ICA1L: variants seen among roughly 807,000 people sequenced by gnomAD.
ICA1L encodes the protein islet cell autoantigen 1-like protein.
Under a neutral mutation model 61.3 loss-of-function variants are expected in ICA1L, and 50 were observed. The observed-to-expected ratio is 0.82, with a 90% CI of 0.65 to 1.03. The LOEUF is 1.03. Among genes scored for constraint, ICA1L ranks in the 50% least tolerant of loss-of-function variants. The probability of loss-of-function intolerance (pLI) is 0.00; values close to 1 mark genes in which losing one functional copy is unlikely to be tolerated. For synonymous variants in ICA1L, 161 were observed against 191.3 expected (o/e 0.84, Z 1.31); for missense variants, 508 against 556.7 (o/e 0.91, Z 0.88).
intron 1 of ICA1L, among the ~76,000 whole-genome samples, chr2:202,843,603 G>A (rs1207105983): frequency 2.0e-5 from 3 of 152,224 alleles, no homozygotes; most frequent in African/African-American, 7.2e-5. Flanking sequence ...TGGAGGTACT[G>A]CAGTTCTGAG....
Position 202,788,870 on chromosome 2 carries a change from T to C in ICA1L, c.1203A>G (p.Gln401=), listed in dbSNP as rs938271195. The C allele has an allele frequency of 2.4e-5, 38 of 1,613,412 alleles. No individual in the cohort carries two copies. Among genetic ancestry groups the C allele is most frequent in the Non-Finnish European group, 3.1e-5 (36 of 1,179,928 alleles). The part of the protein sequence containing the change: ...LAHSSRFLPS[Q]LFDLGFHVAG... Reference sequence around the variant, plus strand: ...CCACATGAAAGCCAAGGTCAAAGAGTTGTGAAGGAAGGAATCGAGAAGAAT... The same window carrying C: ...CCACATGAAAGCCAAGGTCAAAGAGCTGTGAAGGAAGGAATCGAGAAGAAT... The change falls in exon 11 of 13, where the codon CAA becomes CAG. Residue 401 remains glutamine (Q), a synonymous_variant. Coordinates refer to ENST00000358299, the MANE Select transcript of ICA1L (RefSeq NM_001288622.3).
intron 11 of ICA1L, among the ~76,000 whole-genome samples, chr2:202,787,592 T>C (rs1164842275): frequency 1.3e-5 from 2 of 152,264 alleles, no homozygotes; most frequent in Non-Finnish European, 2.9e-5. Context: ...AGTTTATTAA[T>C]TGAGCTAACA....
chr2:202,869,621 A>G (rs1316053947), intron 1 of ICA1L: 2 of 152,188 alleles, frequency 1.3e-5, no homozygotes, highest in East Asian at 3.8e-4. Flanking sequence ...AAGAAATACA[A>G]CAAAATGTTA....
At chr2:202,820,047 A>G in intron 4 of ICA1L, 148 bp from the exon 5 acceptor site, 1 of 645,004 alleles carries the variant, frequency 1.6e-6, no homozygotes, top group Non-Finnish European at 2.7e-6. Context: ...TTGAAAGCAA[A>G]TAAGGATCAT....
chr2:202,779,669 T>C, intron 12 of ICA1L, 21 bp from the exon 13 acceptor site: 2 of 1,330,334 alleles, frequency 1.5e-6, no homozygotes, highest in African/African-American at 2.9e-5. Flanking sequence ...AGAAAAAAAA[T>C]ACATTAAAGA....
chr2:202,832,435 C>CAA (rs35735506), intron 1 of ICA1L, among the ~76,000 whole-genome samples: 55 of 80,868 alleles, frequency 6.8e-4, no homozygotes, highest in East Asian at 1.1e-3. Context: ...GACTCCGTCA[C>CAA]AAAAAAAAAA....
intron 7 of ICA1L, among the ~76,000 whole-genome samples, chr2:202,815,498 C>T (rs1011901618): frequency 3.3e-5 from 5 of 152,166 alleles, no homozygotes; most frequent in African/African-American, 1.2e-4. Context: ...ACTTCTAATA[C>T]TGTCAGGTAG....
At chr2:202,856,225 C>A (rs1473339596) in intron 1 of ICA1L, among the ~76,000 whole-genome samples, 1 of 152,080 alleles carries the variant, frequency 6.6e-6, no homozygotes, top group Non-Finnish European at 1.5e-5. Context: ...ATGCCAAAAT[C>A]CTCAATAAAA....
chr2:202,819,977 A>G, intron 4 of ICA1L, 78 bp from the exon 5 acceptor site: 1 of 1,068,498 alleles, frequency 9.4e-7, no homozygotes, highest in South Asian at 1.4e-5. Context: ...CCAATGAAAA[A>G]GCATATTTGC....
At chr2:202,821,636 C>T in intron 3 of ICA1L, 155 bp from the exon 4 acceptor site, 1 of 516,742 alleles carries the variant, frequency 1.9e-6, no homozygotes, top group Non-Finnish European at 3.3e-6. Context: ...TTCCTGGGCT[C>T]CATTTCCAGA....
At chr2:202,831,563 T>A (rs1225470224) in intron 1 of ICA1L, among the ~76,000 whole-genome samples, 1 of 152,170 alleles carries the variant, frequency 6.6e-6, no homozygotes, top group East Asian at 1.9e-4. Context: ...AGAGAATACC[T>A]CTCCCTACAT....
chr2:202,786,038 G>A (rs1013535867), intron 11 of ICA1L, 31 bp from the exon 12 acceptor site: 1 of 1,270,382 alleles, frequency 7.9e-7, no homozygotes, highest in African/African-American at 1.5e-5. Flanking sequence ...ATTGTCCATT[G>A]TTAATCAAAT....
intron 10 of ICA1L, 44 bp downstream of exon 10, chr2:202,796,846 G>C (rs1310163139): frequency 8.5e-7 from 1 of 1,172,218 alleles, no homozygotes; most frequent in Non-Finnish European, 1.2e-6. Flanking sequence ...AAAAATTGAA[G>C]AATTTTAAAG....
At chr2:202,836,242 T>C (rs1694145197) in intron 1 of ICA1L, among the ~76,000 whole-genome samples, 1 of 152,228 alleles carries the variant, frequency 6.6e-6, no homozygotes, top group Non-Finnish European at 1.5e-5. Flanking sequence ...CTGAATTTTG[T>C]TGAATGCCTT....
chr2:202,829,389 A>C (rs1423091192), intron 1 of ICA1L, among the ~76,000 whole-genome samples: 1 of 152,192 alleles, frequency 6.6e-6, no homozygotes, highest in Non-Finnish European at 1.5e-5. Flanking sequence ...AAAAACCAAA[A>C]AAAACTCAAT....
At chr2:202,846,042 G>C (rs1694455202) in intron 1 of ICA1L, among the ~76,000 whole-genome samples, 1 of 152,150 alleles carries the variant, frequency 6.6e-6, no homozygotes, top group Admixed American at 6.5e-5. Context: ...ACTTTGGAAG[G>C]GGGGAACTGG....
In ICA1L at chr2:202,792,850, C is replaced by T. The variant is rs367734590; in HGVS notation, c.986-3763G>A. 7.2e-5 allele frequency among the ~76,000 whole-genome samples: 11 copies of T among 152,174 alleles called. No homozygotes were observed. The South Asian group carries it at 1.0e-3, about 14-fold the overall frequency. ...AATAAACTACTGATATATACAACAA[C>T]ATGGATGACTCCAAAAACCATTAAG... On this transcript the variant is annotated intron_variant, in intron 10 of 12. Transcript: ENST00000358299.
chr2:202,797,118 T>C (rs1247601714), intron 9 of ICA1L, among the ~76,000 whole-genome samples, 154 bp from the exon 10 acceptor site: 2 of 133,528 alleles, frequency 1.5e-5, no homozygotes, highest in Non-Finnish European at 3.4e-5. Flanking sequence ...TAATCTTATA[T>C]ATAAAAATCA....
chr2:202,825,500 C>T, intron 3 of ICA1L, 195 bp downstream of exon 3: 1 of 1,310,256 alleles, frequency 7.6e-7, no homozygotes, highest in South Asian at 2.0e-5. Flanking sequence ...AAAAATAAAT[C>T]TGGGTCAGAG....
Sources: gnomAD v4.1 joint callset for allele counts (sites outside exome capture counted in the v4.1 genomes callset) on GRCh38, gnomAD v4.1.1 for gene constraint, MANE v1.5 for transcripts, NCBI Gene and HGNC (gene_info 2026-07-23, HGNC 2026-07-21) for gene names.